ADCYAP1R1: variants seen among roughly 807,000 people sequenced by gnomAD.
The protein encoded by ADCYAP1R1 is pituitary adenylate cyclase-activating polypeptide type I receptor.
A neutral mutation model predicts 67.6 loss-of-function variants in ADCYAP1R1; 44 were observed. That is an observed-to-expected ratio of 0.65 (90% confidence interval 0.51 to 0.84). The LOEUF is 0.84. Ranked by LOEUF, ADCYAP1R1 falls within the 40% of genes least tolerant of loss-of-function variation. The pLI, the probability that ADCYAP1R1 is intolerant of heterozygous loss-of-function variation, is 0.00. For synonymous variants in ADCYAP1R1, 222 were observed against 219.6 expected (o/e 1.01, Z -0.10); for missense variants, 477 against 587.9 (o/e 0.81, Z 1.95).
At chr7:31,052,840 A>G (rs1794073419) in intron 1 of ADCYAP1R1, among the ~76,000 whole-genome samples, 162 bp downstream of exon 1, 2 of 152,086 alleles carry the variant, frequency 1.3e-5, no homozygotes, top group South Asian at 4.1e-4. Flanking sequence ...GGCGCCAGGC[A>G]AGCCTCCCAG....
chr7:31,068,899 C>T lies in ADCYAP1R1; in HGVS notation c.157+3963C>T, dbSNP rs567359379. ...AACCTTCAAGAACCTCTGGCCTGCT[C>T]TTAGGGGTACCCTGGCTGGAGCTGG... On this transcript the variant is annotated intron_variant, in intron 3 of 15. Transcript: ENST00000304166. Among the ~76,000 whole-genome samples, 5 of 152,352 alleles carry T rather than the reference C, an allele frequency of 3.3e-5. No individual in the cohort carries two copies. The South Asian group carries it at 8.3e-4, about 25-fold the overall frequency.
Position 31,070,412 on chromosome 7 carries a change from A to G in ADCYAP1R1, c.157+5476A>G, listed in dbSNP as rs550360481. ...GGCAGCAGAGAGCAGACTTGGAGGG[A>G]GGAGGGAAAGGCCTGCTCATTGCTA... On this transcript the variant is annotated intron_variant, in intron 3 of 15. Transcript: ENST00000304166. 5.3e-5 allele frequency among the ~76,000 whole-genome samples: 8 copies of G among 152,254 alleles called. No homozygotes were observed. The East Asian group carries it at 5.8e-4, about 11-fold the overall frequency.
chr7:31,088,343 T>C (rs1284142722), intron 12 of ADCYAP1R1, among the ~76,000 whole-genome samples: 1 of 152,258 alleles, frequency 6.6e-6, no homozygotes, highest in African/African-American at 2.4e-5. Context: ...TATATTTCCA[T>C]TTCTGCATAG....
At chr7:31,064,592 A>T (rs1450237091) in intron 2 of ADCYAP1R1, among the ~76,000 whole-genome samples, 1 of 152,138 alleles carries the variant, frequency 6.6e-6, no homozygotes, top group East Asian at 1.9e-4. Context: ...GGAAACTGAG[A>T]CCCCAGGAGG....
chr7:31,086,660 A>G lies in ADCYAP1R1; in HGVS notation c.823+123A>G. 8.4e-7 allele frequency: 1 copy of G among 1,197,568 alleles called. No individual in the cohort carries two copies. Among genetic ancestry groups the G allele is most frequent in the Non-Finnish European group, 1.2e-6 (1 of 844,638 alleles). The allele number at this position is 1,197,568 out of a possible 1,614,324, so 74.2% of individuals were successfully genotyped here. On this transcript the variant is annotated intron_variant, in intron 10 of 15. Coordinates refer to ENST00000304166, the MANE Select transcript of ADCYAP1R1 (RefSeq NM_001118.5). The surrounding 1 kb of genome is among the most constrained non-coding windows in gnomAD (Gnocchi z 5.0). ...GGGGCCACTGCCCTGCCCGAGTCTA[A>G]TGGCCTAGGCTCTGTCTTGGACTCT...
At chr7:31,060,047 G>A (rs1794431169) in intron 1 of ADCYAP1R1, among the ~76,000 whole-genome samples, 1 of 152,098 alleles carries the variant, frequency 6.6e-6, no homozygotes, top group East Asian at 1.9e-4. Flanking sequence ...CCTTACCCTG[G>A]GTCACTGGGC....
Position 31,106,812 on chromosome 7 carries a change from G to T in ADCYAP1R1, c.*128G>T, listed in dbSNP as rs1033129028. The T allele has an allele frequency of 6.0e-5, 69 of 1,152,114 alleles. No homozygotes were observed. The highest frequency in any genetic ancestry group is 7.2e-5 in the Non-Finnish European group (61 of 841,628). 71.4% of individuals were successfully genotyped at this position (1,152,114 alleles called of 1,614,324 possible). A position where few individuals can be genotyped will look rare whatever the true frequency, so the allele number is the denominator to read the frequency against. Reference sequence around the variant, plus strand: ...CTGGGCTGGAAGCTTGGCTCCTGAGGGGGGAGAAGGAGGCAGGGCACAGAC... The same window carrying T: ...CTGGGCTGGAAGCTTGGCTCCTGAGTGGGGAGAAGGAGGCAGGGCACAGAC... On this transcript the variant is annotated 3_prime_UTR_variant, in exon 16 of 16. Coordinates refer to ENST00000304166, the MANE Select transcript of ADCYAP1R1 (RefSeq NM_001118.5).
intron 9 of ADCYAP1R1, 92 bp downstream of exon 9, chr7:31,085,534 C>T: frequency 3.5e-6 from 5 of 1,417,942 alleles, no homozygotes; most frequent in Non-Finnish European, 4.8e-6. Flanking sequence ...CTGCCTGACA[C>T]CCTGCAGATC....
chr7:31,100,709 A>G (rs936143368), intron 13 of ADCYAP1R1, among the ~76,000 whole-genome samples: 1 of 152,168 alleles, frequency 6.6e-6, no homozygotes, highest in African/African-American at 2.4e-5. Context: ...CATTTTACAA[A>G]TGAGAAAACT....
chr7:31,072,100 G>T (rs1183753090), intron 3 of ADCYAP1R1, among the ~76,000 whole-genome samples: 1 of 149,598 alleles, frequency 6.7e-6, no homozygotes, highest in Non-Finnish European at 1.5e-5. Flanking sequence ...CCCCTGCACT[G>T]TGTTGGCCTC....
chr7:31,103,588 C>T (rs1245312243), intron 14 of ADCYAP1R1, among the ~76,000 whole-genome samples: 1 of 152,200 alleles, frequency 6.6e-6, no homozygotes, highest in Non-Finnish European at 1.5e-5. Context: ...GCTGCCCCCA[C>T]TCCTGGCCCC....
rs1056725332 is a variant in ADCYAP1R1, at chr7:31,081,718, T to A, written c.292T>A (p.Ser98Thr). The A allele has an allele frequency of 5.0e-6, 8 of 1,596,498 alleles. No individual in the cohort carries two copies. Among genetic ancestry groups the A allele is most frequent in the East Asian group, 2.3e-5 (1 of 44,026 alleles). ...CCTATGTCTGTATTTTTCAGGAGAGTCTGATTTTGGTGACAGTAACTCCTT... is the reference window on the plus strand; with the variant it reads ...CCTATGTCTGTATTTTTCAGGAGAGACTGATTTTGGTGACAGTAACTCCTT... ...QVWETETIGE[S>T]DFGDSNSLDL... Residue 98 changes from serine (S) to threonine (T), a missense_variant, in exon 6 of 16, where the codon TCT (serine) becomes ACT (threonine). Physicochemically the swap from Ser to Thr is moderately conservative, Grantham distance 58. Transcript: ENST00000304166.
intron 7 of ADCYAP1R1, 122 bp downstream of exon 7, chr7:31,084,372 TC>T: frequency 4.1e-6 from 3 of 739,110 alleles, no homozygotes; most frequent in Non-Finnish European, 7.0e-6. Flanking sequence ...TGCCTACTCC[TC>T]CCCACCTGCA....
chr7:31,053,428 G>A (rs1453284629), intron 1 of ADCYAP1R1, among the ~76,000 whole-genome samples: 1 of 152,246 alleles, frequency 6.6e-6, no homozygotes, highest in East Asian at 1.9e-4. Context: ...AAGCTCCTGC[G>A]GCGGCTGCGG....
intron 1 of ADCYAP1R1, among the ~76,000 whole-genome samples, chr7:31,057,560 C>A (rs775035421): frequency 6.6e-6 from 1 of 152,260 alleles, no homozygotes; most frequent in African/African-American, 2.4e-5. Flanking sequence ...GGTGGCCTGA[C>A]TCCTGTCACC....
chr7:31,086,947 C>T lies in ADCYAP1R1; in HGVS notation c.828C>T (p.Thr276=), dbSNP rs1197979532. The T allele has an allele frequency of 6.2e-7, 1 of 1,614,118 alleles. No homozygotes were observed. Among genetic ancestry groups the T allele is most frequent in the Non-Finnish European group, 8.5e-7 (1 of 1,180,018 alleles). The stretch of plus-strand genomic sequence containing the variant: ...CTCTTTTTCTTGTTCTCCCAGGGAC[C>T]CCAACTGTGTGTGTGACAGTGTGGG... The part of the protein sequence containing the change: ...FYWYTIIGWG[T]PTVCVTVWAT... The change falls in exon 11 of 16, where the codon ACC becomes ACT. Residue 276 remains threonine, a synonymous_variant. Transcript: ENST00000304166. The surrounding 1 kb of genome is among the most constrained non-coding windows in gnomAD (Gnocchi z 5.0).
chr7:31,101,093 T>C (rs1333371509), intron 13 of ADCYAP1R1, among the ~76,000 whole-genome samples: 1 of 152,190 alleles, frequency 6.6e-6, no homozygotes, highest in Non-Finnish European at 1.5e-5. Context: ...TCCTTGTCTG[T>C]CCCTACTGCC....
intron 12 of ADCYAP1R1, among the ~76,000 whole-genome samples, chr7:31,091,739 C>T (rs11979764): frequency 8.5e-5 from 13 of 152,112 alleles, no homozygotes; most frequent in South Asian, 2.1e-4. Context: ...GCAGAGAACA[C>T]GATTGACAGA....
Position 31,063,251 on chromosome 7 carries a change from G to C in ADCYAP1R1, c.-14G>C. ...CTGTCAGTGGGAGGCCAGTGGTGCT[G>C]GCCAAGAAGTGTCATGGCTGGTGTC... is the stretch of plus-strand genomic sequence containing the variant. On this transcript the variant is annotated 5_prime_UTR_variant, in exon 2 of 16. Transcript: ENST00000304166. 2.5e-6 allele frequency: 4 copies of C among 1,614,172 alleles called. No homozygotes were observed. The highest frequency in any genetic ancestry group is 3.4e-6 in the Non-Finnish European group (4 of 1,180,006).
Sources: allele counts gnomAD v4.1 joint callset (sites outside exome capture counted in the v4.1 genomes callset), GRCh38; gene constraint gnomAD v4.1.1; non-coding constraint Gnocchi (gnomAD v3.1); transcripts MANE v1.5; gene names NCBI Gene and HGNC (gene_info 2026-07-23, HGNC 2026-07-21).